Variants in CBFB observed in about 807,000 individuals in gnomAD.
The protein encoded by CBFB is core-binding factor subunit beta.
CBFB carries 9 observed loss-of-function variants against 30.4 expected under a neutral mutation model. That is an observed-to-expected ratio of 0.30 (90% CI 0.18 to 0.52). The LOEUF is 0.52. Among genes scored for constraint, CBFB ranks in the 20% least tolerant of loss-of-function variants. The pLI, the probability that CBFB is intolerant of heterozygous loss-of-function variation, is 0.97. For missense variants in CBFB, 170 were observed against 244.0 expected, an observed-to-expected ratio of 0.70 and a Z score of 2.02; for synonymous variants, 94 against 84.0, an observed-to-expected ratio of 1.12 and a Z score of -0.65.
At chr16:67,083,575 G>A (rs541524441) in intron 5 of CBFB, among the ~76,000 whole-genome samples, 1 of 152,240 alleles carries the variant, frequency 6.6e-6, no homozygotes, top group Admixed American at 6.5e-5. Flanking sequence ...ATTGATTACA[G>A]GCGTGAGCCA....
intron 4 of CBFB, among the ~76,000 whole-genome samples, chr16:67,075,142 A>G (rs1212375874): frequency 6.6e-6 from 1 of 152,038 alleles, no homozygotes; most frequent in Non-Finnish European, 1.5e-5. Flanking sequence ...GTGAGCCGAG[A>G]TCACGTCACT....
chr16:67,086,841 C>A (rs1457678044), intron 5 of CBFB, among the ~76,000 whole-genome samples: 1 of 152,072 alleles, frequency 6.6e-6, no homozygotes, highest in African/African-American at 2.4e-5. Flanking sequence ...CAGATCATTG[C>A]AGTGTACTTT....
chr16:67,031,665 C>T (rs1031530029), intron 2 of CBFB, among the ~76,000 whole-genome samples: 1 of 152,184 alleles, frequency 6.6e-6, no homozygotes, highest in Non-Finnish European at 1.5e-5. Flanking sequence ...CACACACCAC[C>T]ACGCCCGGCT....
rs576739034 is a variant in CBFB, at chr16:67,045,796, AT to A, written c.282+9058del. ...TCCCCTCCTTCCTTCTACTTTCTAC[AT>A]TTTTTTTTTTTTTTTTGAGACAGTG... On this transcript the variant is annotated intron_variant, in intron 3 of 5. Coordinates refer to ENST00000412916, the MANE Select transcript of CBFB (RefSeq NM_022845.3). Among the ~76,000 whole-genome samples the A allele has an allele frequency of 8.7e-3, 1,166 of 133,576 alleles. 3 individuals carry two copies. Among genetic ancestry groups the A allele is most frequent in the African/African-American group, 0.012 (429 of 36,392 alleles). The allele number at this position is 133,576 out of a possible 152,430, so 87.6% of individuals were successfully genotyped here.
chr16:67,065,082 A>G (rs1301047321), intron 3 of CBFB, among the ~76,000 whole-genome samples: 1 of 152,120 alleles, frequency 6.6e-6, no homozygotes, highest in East Asian at 1.9e-4. Context: ...TATGTTCAGT[A>G]GAGATGGGGT....
chr16:67,098,856 A>T lies in CBFB; in HGVS notation c.*78A>T, dbSNP rs1962135927. ...GTTGGCAGAAATAATTGATTAAAAG[A>T]CCAGAAACTGTGATAACTGGAGGTA... On this transcript the variant is annotated 3_prime_UTR_variant, in exon 6 of 6. Coordinates refer to ENST00000412916, the MANE Select transcript of CBFB (RefSeq NM_022845.3). 2.3e-6 allele frequency: 2 copies of T among 865,778 alleles called. No homozygotes were observed. Among genetic ancestry groups the T allele is most frequent in the Non-Finnish European group, 4.0e-6 (2 of 504,398 alleles). The allele number at this position is 865,778 out of a possible 1,614,324, so 53.6% of individuals were successfully genotyped here. A position where few individuals can be genotyped will look rare whatever the true frequency, so the allele number is the denominator to read the frequency against.
At chr16:67,083,006 C>G (rs1961612341) in intron 5 of CBFB, among the ~76,000 whole-genome samples, 1 of 152,174 alleles carries the variant, frequency 6.6e-6, no homozygotes, top group Admixed American at 6.5e-5. Context: ...CTGAGCAACT[C>G]TGTCTCTACA....
intron 5 of CBFB, among the ~76,000 whole-genome samples, chr16:67,096,100 AG>A (rs1010310354): frequency 2.1e-4 from 32 of 151,530 alleles, no homozygotes; most frequent in African/African-American, 7.2e-4. Context: ...ACTTGAGCCC[AG>A]GAGTTCGAGA....
rs751762472 is a variant in CBFB at position 67,029,369 on chromosome 16, C to G, written c.-39C>G. On this transcript the variant is annotated 5_prime_UTR_variant, in exon 1 of 6. Transcript: ENST00000412916. ...CCAGCCAGCGGGTGCCCGCGCAAGC[C>G]CCGAGCGCGGCCGGCCGGCGCGGCC... 2.1e-6 allele frequency: 3 copies of G among 1,449,076 alleles called. No homozygotes were observed. The highest frequency in any genetic ancestry group is 2.5e-5 in the Admixed American group (1 of 40,050). The allele number at this position is 1,449,076 out of a possible 1,614,324, so 89.8% of individuals were successfully genotyped here.
At chr16:67,079,418 CAAAT>C (rs1961493368) in intron 4 of CBFB, among the ~76,000 whole-genome samples, 2 of 147,116 alleles carry the variant, frequency 1.4e-5, no homozygotes, top group African/African-American at 5.0e-5. Flanking sequence ...CTGACAGTGA[CAAAT>C]AAAGGATTTA....
chr16:67,092,110 T>A (rs1392609428), intron 5 of CBFB, among the ~76,000 whole-genome samples: 1 of 151,998 alleles, frequency 6.6e-6, no homozygotes, highest in African/African-American at 2.4e-5. Flanking sequence ...CTTCCCTGTG[T>A]GTGATGTTCC....
chr16:67,074,855 A>G (rs1961341938), intron 4 of CBFB, among the ~76,000 whole-genome samples: 7 of 152,272 alleles, frequency 4.6e-5, no homozygotes, highest in Admixed American at 3.9e-4. Context: ...TGTAAAGGCA[A>G]CCTGAACAGT....
At position 67,029,294 on chromosome 16, in the gene CBFB, A is replaced by G; in HGVS notation, c.-114A>G. On this transcript the variant is annotated 5_prime_UTR_variant, in exon 1 of 6. Coordinates refer to ENST00000412916, the MANE Select transcript of CBFB (RefSeq NM_022845.3). ...GCGGGCGGGCGCCTGAAACAAAGGG[A>G]AGCGGGCGTCCGGGCGCCGCGGGTG... is the stretch of plus-strand genomic sequence containing the variant. 1.6e-6 allele frequency: 1 copy of G among 619,404 alleles called. No individual in the cohort carries two copies. The highest frequency in any genetic ancestry group is 6.9e-5 in the South Asian group (1 of 14,436). The allele number at this position is 619,404 out of a possible 1,614,324, so 38.4% of individuals were successfully genotyped here.
chr16:67,092,696 A>ATTTTTTTTTTTTTTTTT lies in CBFB; in HGVS notation c.496-6013_496-6012insTTTTTTTTTTTTTTTTT, dbSNP rs1162307047. ...ACCCAGGCTAGGTTACAGTGGTGCA[A>ATTTTTTTTTTTTTTTTT]TCTTTTTTTTTTTTTTTTTTTTTTT... On this transcript the variant is annotated intron_variant, in intron 5 of 5. Coordinates refer to ENST00000412916, the MANE Select transcript of CBFB (RefSeq NM_022845.3). 3.4e-4 allele frequency among the ~76,000 whole-genome samples: 32 copies of ATTTTTTTTTTTTTTTTT among 94,668 alleles called. 1 individual carries two copies. Among genetic ancestry groups the ATTTTTTTTTTTTTTTTT allele is most frequent in the African/African-American group, 8.0e-4 (17 of 21,160 alleles). The allele number at this position is 94,668 out of a possible 152,430, so 62.1% of individuals were successfully genotyped here. A position where few individuals can be genotyped will look rare whatever the true frequency, so the allele number is the denominator to read the frequency against.
chr16:67,089,169 G>A lies in CBFB; in HGVS notation c.495+6861G>A, dbSNP rs571566709. 1.2e-4 allele frequency among the ~76,000 whole-genome samples: 19 copies of A among 152,284 alleles called. 1 individual carries two copies. Among genetic ancestry groups the A allele is most frequent in the Admixed American group, 1.2e-3 (19 of 15,300 alleles). ...TGAGAAACTATAGTGAAATGAAGAA[G>A]CATTGTTTATGTTAGTAACCTTTAC... On this transcript the variant is annotated intron_variant, in intron 5 of 5. Transcript: ENST00000412916.
At chr16:67,066,888 G>A in intron 4 of CBFB, 90 bp downstream of exon 4, 1 of 699,404 alleles carries the variant, frequency 1.4e-6, no homozygotes, top group Non-Finnish European at 2.6e-6. Flanking sequence ...ATTTTTAAGA[G>A]TAAGTATAGA....
chr16:67,045,095 TTA>T (rs59081635), intron 3 of CBFB, among the ~76,000 whole-genome samples: 4,625 of 149,382 alleles, frequency 0.031, 77 homozygotes, highest in Admixed American at 0.035. Flanking sequence ...AACTGCAAGC[TTA>T]TATATATATA....
intron 5 of CBFB, 137 bp downstream of exon 5, chr16:67,082,445 G>A (rs2145772271): frequency 1.9e-6 from 2 of 1,036,816 alleles, no homozygotes; most frequent in Non-Finnish European, 1.3e-6. Context: ...GTACTCTCTG[G>A]CTTTGTGTTT....
At chr16:67,068,211 G>T (rs1961112186) in intron 4 of CBFB, among the ~76,000 whole-genome samples, 1 of 152,208 alleles carries the variant, frequency 6.6e-6, no homozygotes, top group South Asian at 2.1e-4. Context: ...GTGCGCAGTG[G>T]CTCATGCTTA....
Sources: allele counts gnomAD v4.1 joint callset (sites outside exome capture counted in the v4.1 genomes callset), GRCh38; gene constraint gnomAD v4.1.1; transcripts MANE v1.5; gene names NCBI Gene and HGNC (gene_info 2026-07-23, HGNC 2026-07-21).